Variants in ADIPOR2 observed in about 807,000 individuals in gnomAD.
ADIPOR2 encodes adiponectin receptor 2, also known as adiponectin receptor protein 2.
ADIPOR2 carries 18 observed loss-of-function variants against 40.9 expected under a neutral mutation model. That is an observed-to-expected ratio of 0.44 (90% CI 0.30 to 0.65). ADIPOR2 has a LOEUF of 0.65. Ranked by LOEUF, ADIPOR2 falls within the 30% of genes least tolerant of loss-of-function variation. The pLI, the probability that ADIPOR2 is intolerant of heterozygous loss-of-function variation, is 0.09. For missense variants in ADIPOR2, 283 were observed against 479.2 expected, an observed-to-expected ratio of 0.59 and a Z score of 3.82; for synonymous variants, 165 against 166.4, an observed-to-expected ratio of 0.99 and a Z score of 0.06.
At chr12:1,742,483 C>G (rs2094745112) in intron 1 of ADIPOR2, among the ~76,000 whole-genome samples, 1 of 152,172 alleles carries the variant, frequency 6.6e-6, no homozygotes, top group Non-Finnish European at 1.5e-5. Context: ...TTTGAAAGAG[C>G]GAGAGCATTC....
At chr12:1,749,142 G>A (rs548663209) in intron 1 of ADIPOR2, among the ~76,000 whole-genome samples, 5 of 152,256 alleles carry the variant, frequency 3.3e-5, no homozygotes, top group Admixed American at 1.3e-4. Context: ...ATGAAGGGAC[G>A]TGCAGGGCTA....
chr12:1,785,936 C>T lies in ADIPOR2; in HGVS notation c.1033-8C>T. On this transcript the variant is annotated splice_region_variant and splice_polypyrimidine_tract_variant and intron_variant, in intron 7 of 7. Transcript: ENST00000357103. ...CTCTACCCCCTTCTCTTCTTTTTTC[C>T]CCTCCAGTTTCACTCTCATCAGCTG... The T allele has an allele frequency of 6.2e-7, 1 of 1,609,422 alleles. No homozygotes were observed. The highest frequency in any genetic ancestry group is 1.3e-5 in the African/African-American group (1 of 74,474).
rs533115679 is a variant in ADIPOR2, at chr12:1,787,400, G to A, written c.*1328G>A. On this transcript the variant is annotated 3_prime_UTR_variant, in exon 8 of 8. Transcript: ENST00000357103. Reference sequence around the variant, plus strand: ...GAACTCTTAAAGCCAGTTGTAGTACGGAGTTGTCAGCACTCACTGAACCTC... The same window carrying A: ...GAACTCTTAAAGCCAGTTGTAGTACAGAGTTGTCAGCACTCACTGAACCTC... 6 of 152,352 alleles carry A rather than the reference G, an allele frequency of 3.9e-5. No individual in the cohort carries two copies. Among genetic ancestry groups the A allele is most frequent in the African/African-American group, 9.6e-5 (4 of 41,568 alleles). 9.4% of individuals were successfully genotyped at this position (152,352 alleles called of 1,614,324 possible).
At chr12:1,757,819 A>G (rs1401191307) in intron 2 of ADIPOR2, 1 of 848,282 alleles carries the variant, frequency 1.2e-6, no homozygotes, top group East Asian at 2.4e-5. Flanking sequence ...GAACCTCTGC[A>G]TGTAATCTTC....
intron 1 of ADIPOR2, among the ~76,000 whole-genome samples, chr12:1,742,287 C>A (rs570555475): frequency 2.0e-5 from 3 of 152,288 alleles, no homozygotes; most frequent in East Asian, 3.9e-4. Context: ...GAGACGGAGT[C>A]TTGCCGTGTT....
At chr12:1,738,790 A>G (rs1401422538) in intron 1 of ADIPOR2, among the ~76,000 whole-genome samples, 1 of 152,140 alleles carries the variant, frequency 6.6e-6, no homozygotes, top group Non-Finnish European at 1.5e-5. Context: ...ACCATTTTGG[A>G]TATTTTTCTC....
At chr12:1,773,896 C>G (rs1862536400) in intron 3 of ADIPOR2, among the ~76,000 whole-genome samples, 2 of 152,036 alleles carry the variant, frequency 1.3e-5, no homozygotes, top group South Asian at 4.2e-4. Flanking sequence ...TTACTTTGGA[C>G]CAGGGTATGA....
At chr12:1,771,109 G>C (rs1033719637) in intron 2 of ADIPOR2, among the ~76,000 whole-genome samples, 10 of 152,188 alleles carry the variant, frequency 6.6e-5, no homozygotes, top group African/African-American at 2.2e-4. Flanking sequence ...GATTGCTTGA[G>C]GCCAGGAGTT....
intron 3 of ADIPOR2, among the ~76,000 whole-genome samples, chr12:1,775,361 G>A (rs1163532371): frequency 2.0e-5 from 3 of 152,146 alleles, no homozygotes; most frequent in African/African-American, 7.2e-5. Flanking sequence ...GAGAATGAGG[G>A]TGCAGTGTCT....
At chr12:1,732,164 G>A (rs1300508077) in intron 1 of ADIPOR2, among the ~76,000 whole-genome samples, 1 of 152,178 alleles carries the variant, frequency 6.6e-6, no homozygotes, top group Non-Finnish European at 1.5e-5. Context: ...ATGAACTGAT[G>A]TTAATACATT....
intron 1 of ADIPOR2, among the ~76,000 whole-genome samples, chr12:1,701,781 T>C (rs2094650678): frequency 6.6e-6 from 1 of 152,202 alleles, no homozygotes; most frequent in South Asian, 2.1e-4. Context: ...ACATTCCTTA[T>C]TAGGAATCAT....
chr12:1,743,543 C>T (rs966894547), intron 1 of ADIPOR2, among the ~76,000 whole-genome samples: 4 of 151,844 alleles, frequency 2.6e-5, no homozygotes, highest in Non-Finnish European at 4.4e-5. Context: ...GGTGGGCACA[C>T]GCCTGTAGTC....
chr12:1,715,325 C>T (rs988935328), intron 1 of ADIPOR2, among the ~76,000 whole-genome samples: 2 of 152,024 alleles, frequency 1.3e-5, no homozygotes, highest in Non-Finnish European at 2.9e-5. Context: ...TTTTGACCAT[C>T]AGAGAGAGAA....
intron 1 of ADIPOR2, chr12:1,702,836 CTG>C (rs1354013323): frequency 6.6e-6 from 1 of 152,146 alleles, no homozygotes. Context: ...GGTGATCACT[CTG>C]TGGTTCTCCT....
chr12:1,711,515 C>T (rs1295133083), intron 1 of ADIPOR2, among the ~76,000 whole-genome samples: 1 of 151,994 alleles, frequency 6.6e-6, no homozygotes, highest in Non-Finnish European at 1.5e-5. Flanking sequence ...AAGAATATGC[C>T]TTGGCTGGGT....
chr12:1,785,803 A>C (rs1167435831), intron 7 of ADIPOR2, 141 bp from the exon 8 acceptor site: 2 of 1,124,166 alleles, frequency 1.8e-6, no homozygotes, highest in Non-Finnish European at 2.5e-6. Flanking sequence ...GGATCTGTGG[A>C]CGCCTTGAAT....
At chr12:1,742,116 G>A (rs975648070) in intron 1 of ADIPOR2, among the ~76,000 whole-genome samples, 4 of 151,970 alleles carry the variant, frequency 2.6e-5, no homozygotes, top group Non-Finnish European at 5.9e-5. Flanking sequence ...CTTTTTTTAA[G>A]ATAGCATCTT....
intron 1 of ADIPOR2, chr12:1,696,398 CTT>C (rs61474948): frequency 3.0e-4 from 42 of 141,494 alleles, no homozygotes; most frequent in Non-Finnish European, 3.5e-4. Context: ...TTTTTTCCTT[CTT>C]TTTTTTTTTT....
In ADIPOR2 at chr12:1,780,340, C is replaced by T. The variant is rs527302840; in HGVS notation, c.464-111C>T. On this transcript the variant is annotated intron_variant, in intron 4 of 7. Coordinates refer to ENST00000357103, the MANE Select transcript of ADIPOR2 (RefSeq NM_024551.3). ...TATTTGGAAGATTTTTCTCATTGAA[C>T]TTTTGATTCAGATATTGTTGTAATG... 2.0e-5 allele frequency: 23 copies of T among 1,168,682 alleles called. No individual in the cohort carries two copies. The South Asian group carries it at 3.9e-4, about 20-fold the overall frequency. 72.4% of individuals were successfully genotyped at this position (1,168,682 alleles called of 1,614,324 possible).
Sources: gnomAD v4.1 joint callset for allele counts (sites outside exome capture counted in the v4.1 genomes callset) on GRCh38, gnomAD v4.1.1 for gene constraint, MANE v1.5 for transcripts, NCBI Gene and HGNC (gene_info 2026-07-23, HGNC 2026-07-21) for gene names.